GCLC: variants seen among roughly 807,000 people sequenced by gnomAD.
GCLC encodes the protein glutamate--cysteine ligase catalytic subunit.
In GCLC, 30 loss-of-function variants were observed where a neutral mutation model predicts 81.5. The ratio of observed to expected loss-of-function variants is 0.37; its 90% CI spans 0.28 to 0.50. The LOEUF (loss-of-function observed/expected upper bound fraction) is 0.50, where lower values mean the gene tolerates loss of function less well. Ranked by LOEUF, GCLC falls within the 20% of genes least tolerant of loss-of-function variation. The pLI is 0.96. For missense variants in GCLC, 556 were observed against 777.4 expected (o/e 0.72, Z 3.39); for synonymous variants, 262 against 273.3 (o/e 0.96, Z 0.41).
At chr6:53,513,900 T>A (rs1462726866) in intron 6 of GCLC, 3 of 339,294 alleles carry the variant, frequency 8.8e-6, no homozygotes, top group Non-Finnish European at 1.6e-5. Flanking sequence ...AAACTAGGCA[T>A]ATAAAAAGAG....
chr6:53,516,238 G>T lies in GCLC; in HGVS notation c.447-16C>A, dbSNP rs761848160. The T allele has an allele frequency of 5.6e-6, 8 of 1,437,054 alleles. No homozygotes were observed. Among genetic ancestry groups the T allele is most frequent in the Non-Finnish European group, 7.9e-6 (8 of 1,018,314 alleles). 89.0% of individuals were successfully genotyped at this position (1,437,054 alleles called of 1,614,324 possible). On this transcript the variant is annotated splice_polypyrimidine_tract_variant and intron_variant, in intron 3 of 15. Coordinates refer to ENST00000650454, the MANE Select transcript of GCLC (RefSeq NM_001498.4). The stretch of plus-strand genomic sequence containing the variant: ...ACAGCCTAATCTACAACAAATTGAA[G>T]AACTAAATAGATGGGATTTGTTTTC...
intron 9 of GCLC, 95 bp downstream of exon 9, chr6:53,507,385 T>C (rs749040949): frequency 9.6e-5 from 116 of 1,212,706 alleles, no homozygotes; most frequent in Admixed American, 2.2e-4. Context: ...GCACTAAAAA[T>C]AGAAACCAGA....
At chr6:53,503,169 A>G (rs536168545) in intron 12 of GCLC, 2 of 152,338 alleles carry the variant, frequency 1.3e-5, no homozygotes, top group South Asian at 4.1e-4. Flanking sequence ...CCCTACCCTC[A>G]TAACTGGTAT....
In GCLC at chr6:53,507,568, T is replaced by C; in HGVS notation, c.996A>G (p.Ile332Met). ...CACCACACTTAGATAAATAGCTGTC[T>C]ATTGAGTCATATCGGGATTTACTGA... ...YRISKSRYDS[I>M]DSYLSKCGEK... Residue 332 changes from isoleucine to methionine, a missense_variant, in exon 9 of 16, where the codon ATA becomes ATG. Coordinates refer to ENST00000650454, the MANE Select transcript of GCLC (RefSeq NM_001498.4). 1 of 1,580,316 alleles carries C rather than the reference T, an allele frequency of 6.3e-7. No individual in the cohort carries two copies. Among genetic ancestry groups the C allele is most frequent in the Non-Finnish European group, 8.7e-7 (1 of 1,149,466 alleles).
chr6:53,535,632 C>T lies in GCLC; in HGVS notation c.150+8864G>A, dbSNP rs1763245293. 1.3e-5 allele frequency among the ~76,000 whole-genome samples: 2 copies of T among 152,186 alleles called. 1 individual carries two copies. The highest frequency in any genetic ancestry group is 4.1e-4 in the South Asian group (2 of 4,834). ...TCCAAAATATAGAGAACGCTCAAAA[C>T]TCAATAGTTTTAGAACAGACAAATG... On this transcript the variant is annotated intron_variant, in intron 1 of 15. Coordinates refer to ENST00000650454, the MANE Select transcript of GCLC (RefSeq NM_001498.4).
chr6:53,524,870 C>T (rs573722095), intron 1 of GCLC, among the ~76,000 whole-genome samples: 1 of 152,328 alleles, frequency 6.6e-6, no homozygotes, highest in African/African-American at 2.4e-5. Context: ...CAAATTCACT[C>T]TTAGCCCACA....
Position 53,506,199 on chromosome 6 carries a change from C to T in GCLC, c.1198-304G>A, listed in dbSNP as rs562609267. On this transcript the variant is annotated intron_variant, in intron 10 of 15. Coordinates refer to ENST00000650454, the MANE Select transcript of GCLC (RefSeq NM_001498.4). This position sits in a 1 kb window ranked among gnomAD's most constrained non-coding sequence, Gnocchi z 4.0. ...AGCCACGGGGCCCCCACCTTCATCC[C>T]TGAGAATTTTAGGAGCCAGCCTGCC... 4.1e-4 allele frequency: 149 copies of T among 364,038 alleles called. 1 individual carries two copies. The highest frequency in any genetic ancestry group is 2.5e-3 in the African/African-American group (118 of 47,460). 22.6% of individuals were successfully genotyped at this position (364,038 alleles called of 1,614,324 possible). A position where few individuals can be genotyped will look rare whatever the true frequency, so the allele number is the denominator to read the frequency against.
intron 6 of GCLC, among the ~76,000 whole-genome samples, chr6:53,512,752 A>G (rs634657): frequency 0.55 from 83,328 of 151,958 alleles, 23,532 homozygotes; most frequent in African/African-American, 0.67. Context: ...AGCATTTACT[A>G]GTATACATAC....
Position 53,544,604 on chromosome 6 carries a change from T to C in GCLC, c.42A>G (p.Glu14=), listed in dbSNP as rs150351755. 3.6e-5 allele frequency: 58 copies of C among 1,603,332 alleles called. No individual in the cohort carries two copies. The highest frequency in any genetic ancestry group is 5.9e-6 in the Non-Finnish European group (7 of 1,179,532). The change falls in exon 1 of 16, where the codon GAA becomes GAG. Residue 14 remains glutamate, a synonymous_variant. Coordinates refer to ENST00000650454, the MANE Select transcript of GCLC (RefSeq NM_001498.4). ...GCACGTGGTCGGCATGGCGCTTGGT[T>C]TCCTCCCAGCTCAGCGGCGAGCCCT... ...LSQGSPLSWE[E]TKRHADHVRR... is the part of the protein sequence containing the mutation.
intron 1 of GCLC, among the ~76,000 whole-genome samples, chr6:53,527,906 C>T (rs17885199): frequency 1.1e-3 from 167 of 152,294 alleles, no homozygotes; most frequent in Non-Finnish European, 1.5e-3. Flanking sequence ...CTGTCAAAGA[C>T]GCAGATCACT....
chr6:53,521,059 G>C (rs2127625142), intron 2 of GCLC, 99 bp from the exon 3 acceptor site: 1 of 918,734 alleles, frequency 1.1e-6, no homozygotes, highest in Non-Finnish European at 1.8e-6. Flanking sequence ...GAAACCATTA[G>C]GTATAAATGA....
chr6:53,519,002 C>CA (rs967166411), intron 3 of GCLC, among the ~76,000 whole-genome samples: 7 of 152,154 alleles, frequency 4.6e-5, no homozygotes, highest in Non-Finnish European at 7.4e-5. Flanking sequence ...CACGGGCATC[C>CA]AGGCAGCCCT....
At chr6:53,524,843 T>C (rs2127626387) in intron 1 of GCLC, among the ~76,000 whole-genome samples, 1 of 152,318 alleles carries the variant, frequency 6.6e-6, no homozygotes, top group African/African-American at 2.4e-5. Context: ...TTGAAAAAAA[T>C]TGAAATCCTT....
At chr6:53,510,524 T>C (rs573650284) in intron 6 of GCLC, 2 of 152,292 alleles carry the variant, frequency 1.3e-5, no homozygotes, top group South Asian at 2.1e-4. Context: ...GTTAGCACAT[T>C]TGTAATAACT....
rs10588842 is a variant in GCLC, at chr6:53,538,136, C to CTTTTT, written c.150+6355_150+6359dup. Among the ~76,000 whole-genome samples the CTTTTT allele has an allele frequency of 4.7e-3, 370 of 78,898 alleles. 41 individuals are homozygous for CTTTTT. In the East Asian group the frequency reaches 0.1, roughly 22 times the overall value. 51.8% of individuals were successfully genotyped at this position (78,898 alleles called of 152,430 possible). Reference sequence around the variant, plus strand: ...AGCTAGGCATTTTCTTTTTTCTTTCCTTTTTTTTTTTTTTTTTTTTTTTTT... The same window carrying CTTTTT: ...AGCTAGGCATTTTCTTTTTTCTTTCCTTTTTTTTTTTTTTTTTTTTTTTTTTTTTT... On this transcript the variant is annotated intron_variant, in intron 1 of 15. Transcript: ENST00000650454.
chr6:53,518,189 G>A (rs1041675485), intron 3 of GCLC, among the ~76,000 whole-genome samples: 1 of 151,984 alleles, frequency 6.6e-6, no homozygotes, highest in African/African-American at 2.4e-5. Flanking sequence ...TTAGAATAAA[G>A]CTTATTCCTC....
intron 6 of GCLC, among the ~76,000 whole-genome samples, chr6:53,512,488 T>C (rs957096524): frequency 6.6e-6 from 1 of 152,138 alleles, no homozygotes; most frequent in African/African-American, 2.4e-5. Flanking sequence ...ATATAATTTG[T>C]AAAGATCAAA....
At chr6:53,507,415 T>A in intron 9 of GCLC, 65 bp downstream of exon 9, 2 of 1,571,794 alleles carry the variant, frequency 1.3e-6, no homozygotes. Flanking sequence ...AGCAAAAAAG[T>A]GTAAAAGAGC....
At position 53,497,966 on chromosome 6, in the gene GCLC, G is replaced by C. The variant is rs1203245653; in HGVS notation, c.*790C>G. 6.6e-6 allele frequency: 1 copy of C among 151,388 alleles called. No individual in the cohort carries two copies. Among genetic ancestry groups the C allele is most frequent in the Admixed American group, 6.6e-5 (1 of 15,156 alleles). 9.4% of individuals were successfully genotyped at this position (151,388 alleles called of 1,614,324 possible). A position where few individuals can be genotyped will look rare whatever the true frequency, so the allele number is the denominator to read the frequency against. On this transcript the variant is annotated 3_prime_UTR_variant, in exon 16 of 16. Transcript: ENST00000650454. Reference sequence around the variant, plus strand: ...CCTTTGTATGTATAGGAAGAAAAATGATTGCCACCCCCCACCCCTGCCGCC... The same window carrying C: ...CCTTTGTATGTATAGGAAGAAAAATCATTGCCACCCCCCACCCCTGCCGCC...
Sources: gnomAD v4.1 joint callset for allele counts (sites outside exome capture counted in the v4.1 genomes callset) on GRCh38, gnomAD v4.1.1 for gene constraint, Gnocchi (gnomAD v3.1) non-coding constraint, MANE v1.5 for transcripts, NCBI Gene and HGNC (gene_info 2026-07-23, HGNC 2026-07-21) for gene names.